The following RORA variants were observed in gnomAD, a reference collection of about 807,000 sequenced individuals.
RORA encodes the protein nuclear receptor ROR-alpha.
Under a neutral mutation model 69.5 loss-of-function variants are expected in RORA, and 7 were observed. The ratio of observed to expected loss-of-function variants is 0.10; its 90% CI spans 0.06 to 0.19. The LOEUF is 0.19. RORA is among the 10% of genes least tolerant of loss of function. The pLI is 1.00. For synonymous variants in RORA, 261 were observed against 240.8 expected (o/e 1.08, Z -0.78); for missense variants, 457 against 663.0 (o/e 0.69, Z 3.41).
intron 3 of RORA, among the ~76,000 whole-genome samples, chr15:60,518,070 C>T (rs2066025291): frequency 6.6e-6 from 1 of 152,142 alleles, no homozygotes; most frequent in Admixed American, 6.5e-5. Context: ...CGCTATGTTG[C>T]CCAGGCTGGT....
intron 2 of RORA, among the ~76,000 whole-genome samples, chr15:60,539,914 C>T (rs1357413940): frequency 6.6e-6 from 1 of 152,016 alleles, no homozygotes. Flanking sequence ...AATATAAAGT[C>T]CTTGAAGATT....
chr15:60,939,746 C>G (rs1277100916), intron 1 of RORA, among the ~76,000 whole-genome samples: 3 of 152,208 alleles, frequency 2.0e-5, no homozygotes, highest in Non-Finnish European at 2.9e-5. Context: ...CCGGGTTGTT[C>G]CAAGTCGGCT....
chr15:60,493,604 C>CAGAT lies in RORA; in HGVS notation c.*3847_*3850dup, dbSNP rs745911264. 4 of 151,818 alleles carry CAGAT rather than the reference C, an allele frequency of 2.6e-5. No homozygotes were observed. The highest frequency in any genetic ancestry group is 6.6e-5 in the Admixed American group (1 of 15,256). The allele number at this position is 151,818 out of a possible 1,614,324, so 9.4% of individuals were successfully genotyped here. Reference sequence around the variant, plus strand: ...AATGAAATAAAAAGTTTTCCAAAGACAGATAGACAAATTCCATCAAGAAAA... The same window carrying CAGAT: ...AATGAAATAAAAAGTTTTCCAAAGACAGATAGATAGACAAATTCCATCAAGAAAA... On this transcript the variant is annotated 3_prime_UTR_variant, in exon 11 of 11. Coordinates refer to ENST00000335670, the MANE Select transcript of RORA (RefSeq NM_134261.3).
chr15:60,963,422 G>A (rs934707010), intron 1 of RORA, among the ~76,000 whole-genome samples: 9 of 152,172 alleles, frequency 5.9e-5, no homozygotes, highest in African/African-American at 2.2e-4. Flanking sequence ...TGGAAGCAAT[G>A]GTTGAAAAGG....
chr15:60,565,700 T>C (rs1444328124), intron 2 of RORA, among the ~76,000 whole-genome samples: 1 of 152,236 alleles, frequency 6.6e-6, no homozygotes, highest in Non-Finnish European at 1.5e-5. Context: ...ACCAGGATTA[T>C]ATTAAAACTC....
chr15:60,617,633 C>G (rs1286585891), intron 2 of RORA, among the ~76,000 whole-genome samples: 3 of 148,948 alleles, frequency 2.0e-5, no homozygotes, highest in African/African-American at 7.5e-5. Context: ...AAAATACACA[C>G]ACACACGCAC....
At chr15:60,507,812 G>A (rs2065560901) in intron 5 of RORA, among the ~76,000 whole-genome samples, 1 of 152,172 alleles carries the variant, frequency 6.6e-6, no homozygotes, top group African/African-American at 2.4e-5. Context: ...AGTGAAGGAT[G>A]AGAAGAGGCT....
intron 1 of RORA, among the ~76,000 whole-genome samples, chr15:61,112,285 T>G (rs761065133): frequency 6.6e-6 from 1 of 152,202 alleles, no homozygotes; most frequent in African/African-American, 2.4e-5. Flanking sequence ...TGATCCGTCA[T>G]GGACTGGGGG....
Position 60,678,695 on chromosome 15 carries a change from G to A in RORA, c.167-9C>T, listed in dbSNP as rs201679916. 2.5e-5 allele frequency: 40 copies of A among 1,610,542 alleles called. No individual in the cohort carries two copies. The highest frequency in any genetic ancestry group is 3.3e-5 in the Non-Finnish European group (39 of 1,176,878). On this transcript the variant is annotated splice_polypyrimidine_tract_variant and intron_variant, in intron 1 of 10. Coordinates refer to ENST00000335670, the MANE Select transcript of RORA (RefSeq NM_134261.3). ...CTTCGTTACTGAGATACCTGGAAGA[G>A]AAGAAACAATAACATAGGTTAGAAA...
intron 1 of RORA, among the ~76,000 whole-genome samples, chr15:61,021,181 G>T (rs890031568): frequency 6.6e-6 from 1 of 152,236 alleles, no homozygotes; most frequent in East Asian, 1.9e-4. Flanking sequence ...CCTCCTCAAC[G>T]CCCCCTCTCT....
chr15:61,018,546 A>G (rs1288064362), intron 1 of RORA, among the ~76,000 whole-genome samples: 1 of 152,184 alleles, frequency 6.6e-6, no homozygotes, highest in African/African-American at 2.4e-5. Flanking sequence ...ATGCACAGGC[A>G]TATATATATT....
chr15:60,652,812 G>A (rs1051684678), intron 2 of RORA, among the ~76,000 whole-genome samples: 2 of 152,140 alleles, frequency 1.3e-5, no homozygotes, highest in African/African-American at 2.4e-5. Context: ...ATTAGTTCCC[G>A]CTATACAAAT....
At chr15:60,606,458 T>G (rs2068948311) in intron 2 of RORA, among the ~76,000 whole-genome samples, 1 of 152,250 alleles carries the variant, frequency 6.6e-6, no homozygotes, top group Non-Finnish European at 1.5e-5. Context: ...GTTGTTGTTT[T>G]TTTTAAACCA....
intron 2 of RORA, among the ~76,000 whole-genome samples, chr15:60,597,250 T>C (rs1352528856): frequency 6.6e-6 from 1 of 151,918 alleles, no homozygotes; most frequent in African/African-American, 2.4e-5. Flanking sequence ...TCTGGAACCA[T>C]ATATTTCATA....
chr15:60,722,988 T>C (rs2140826865), intron 1 of RORA, among the ~76,000 whole-genome samples: 1 of 152,310 alleles, frequency 6.6e-6, no homozygotes, highest in Non-Finnish European at 1.5e-5. Context: ...ACCAGATCTC[T>C]GCAAAGATAG....
At chr15:60,755,390 G>A (rs1478195352) in intron 1 of RORA, among the ~76,000 whole-genome samples, 2 of 151,888 alleles carry the variant, frequency 1.3e-5, no homozygotes, top group African/African-American at 2.4e-5. Context: ...ATCATTGTCG[G>A]ACATTTGGGT....
intron 1 of RORA, among the ~76,000 whole-genome samples, chr15:61,012,574 T>C (rs916288003): frequency 7.8e-4 from 119 of 152,344 alleles, no homozygotes; most frequent in Middle Eastern, 3.4e-3. Flanking sequence ...AATAGACTTG[T>C]AGGTTAGCAG....
chr15:60,655,498 G>C (rs2070207806), intron 2 of RORA, among the ~76,000 whole-genome samples: 2 of 152,198 alleles, frequency 1.3e-5, no homozygotes, highest in African/African-American at 4.8e-5. Context: ...GCAGGAAGGA[G>C]AGGCAGTGTC....
chr15:60,657,653 G>A (rs1279151523), intron 2 of RORA, among the ~76,000 whole-genome samples: 6 of 152,118 alleles, frequency 3.9e-5, no homozygotes, highest in East Asian at 1.9e-4. Flanking sequence ...CTGTCCAATC[G>A]TTGACTCCTC....
Sources: allele counts gnomAD v4.1 joint callset (sites outside exome capture counted in the v4.1 genomes callset), GRCh38; gene constraint gnomAD v4.1.1; transcripts MANE v1.5; gene names NCBI Gene and HGNC (gene_info 2026-07-23, HGNC 2026-07-21).